The following GRID2 variants were observed in gnomAD, a reference collection of about 807,000 sequenced individuals.
GRID2 encodes the protein glutamate ionotropic receptor delta type subunit 2, also known as glutamate receptor ionotropic, delta-2.
Under a neutral mutation model 114.8 loss-of-function variants are expected in GRID2, and 33 were observed. That is an observed-to-expected ratio of 0.29 (90% confidence interval 0.22 to 0.38). The LOEUF is 0.38. Among genes scored for constraint, GRID2 ranks in the 10% least tolerant of loss-of-function variants. GRID2 has a pLI of 1.00. For synonymous variants in GRID2, 505 were observed against 449.9 expected (o/e 1.12, Z -1.55); for missense variants, 1,184 against 1,257.7 (o/e 0.94, Z 0.89).
At chr4:93,751,975 T>C (rs1386539169) in intron 14 of GRID2, among the ~76,000 whole-genome samples, 1 of 151,688 alleles carries the variant, frequency 6.6e-6, no homozygotes, top group African/African-American at 2.4e-5. Flanking sequence ...GAACATTCTT[T>C]TTTTTTTTTT....
intron 2 of GRID2, among the ~76,000 whole-genome samples, chr4:92,637,783 TTG>T (rs1731144288): frequency 6.6e-6 from 1 of 152,020 alleles, no homozygotes; most frequent in African/African-American, 2.4e-5. Context: ...GTAGAAAGAA[TTG>T]TATAATGATG....
intron 9 of GRID2, among the ~76,000 whole-genome samples, chr4:93,419,939 A>G (rs552780600): frequency 1.0e-3 from 153 of 152,258 alleles, no homozygotes; most frequent in African/African-American, 3.6e-3. Context: ...TGCCACATCT[A>G]TCATTTACCT....
intron 1 of GRID2, among the ~76,000 whole-genome samples, chr4:92,463,636 A>T (rs1721601926): frequency 6.6e-6 from 1 of 152,012 alleles, no homozygotes; most frequent in African/African-American, 2.4e-5. Context: ...TACAAAAATA[A>T]ACTGAAGGGC....
At chr4:93,309,054 T>C (rs1228846469) in intron 8 of GRID2, among the ~76,000 whole-genome samples, 2 of 152,184 alleles carry the variant, frequency 1.3e-5, no homozygotes, top group African/African-American at 4.8e-5. Context: ...TACTTTTACA[T>C]ACTAAATATT....
At chr4:92,549,638 G>T (rs900895537) in intron 1 of GRID2, among the ~76,000 whole-genome samples, 2 of 152,072 alleles carry the variant, frequency 1.3e-5, no homozygotes, top group African/African-American at 2.4e-5. Flanking sequence ...AAATCCCCAA[G>T]AATTTTAAGG....
chr4:92,931,623 T>C (rs952229462), intron 2 of GRID2, among the ~76,000 whole-genome samples: 2 of 144,794 alleles, frequency 1.4e-5, no homozygotes, highest in Admixed American at 6.9e-5. Flanking sequence ...AGATAGAAGA[T>C]ACACACACAC....
At chr4:92,871,276 C>T (rs960488248) in intron 2 of GRID2, among the ~76,000 whole-genome samples, 1 of 151,114 alleles carries the variant, frequency 6.6e-6, no homozygotes, top group Non-Finnish European at 1.5e-5. Flanking sequence ...AACTAAATAA[C>T]TTCAATGGTC....
intron 4 of GRID2, among the ~76,000 whole-genome samples, chr4:93,130,900 A>G (rs537473773): frequency 2.6e-5 from 4 of 152,302 alleles, no homozygotes; most frequent in African/African-American, 9.6e-5. Context: ...TAAACGATAT[A>G]TTCCAGAACG....
intron 2 of GRID2, among the ~76,000 whole-genome samples, chr4:92,616,105 T>C (rs1215274182): frequency 6.6e-6 from 1 of 151,648 alleles, no homozygotes; most frequent in East Asian, 1.9e-4. Flanking sequence ...TTCAAATTAG[T>C]GTCTGATTTC....
intron 2 of GRID2, among the ~76,000 whole-genome samples, chr4:92,956,420 G>T (rs1476507634): frequency 6.6e-6 from 1 of 152,020 alleles, no homozygotes; most frequent in East Asian, 1.9e-4. Context: ...GAAACGACTA[G>T]CCTTACTGTA....
At chr4:93,102,079 C>T (rs1731756006) in intron 3 of GRID2, among the ~76,000 whole-genome samples, 1 of 152,122 alleles carries the variant, frequency 6.6e-6, no homozygotes, top group Non-Finnish European at 1.5e-5. Context: ...AAGACCCTTT[C>T]TCTTACAAAT....
At chr4:93,213,435 G>A (rs1743804437) in intron 5 of GRID2, among the ~76,000 whole-genome samples, 1 of 152,056 alleles carries the variant, frequency 6.6e-6, no homozygotes. Flanking sequence ...GTATTCTGGT[G>A]TCTAGAATTA....
chr4:93,695,340 C>T (rs891288883), intron 14 of GRID2, among the ~76,000 whole-genome samples: 1 of 152,126 alleles, frequency 6.6e-6, no homozygotes, highest in Non-Finnish European at 1.5e-5. Context: ...GCTATAATGG[C>T]ACAATCGAAA....
chr4:92,696,704 G>A (rs1404585632), intron 2 of GRID2, among the ~76,000 whole-genome samples: 3 of 152,004 alleles, frequency 2.0e-5, no homozygotes, highest in African/African-American at 7.2e-5. Flanking sequence ...GATTAGAAAG[G>A]CTGTAGAGAG....
intron 9 of GRID2, among the ~76,000 whole-genome samples, chr4:93,399,245 T>A (rs1457271859): frequency 1.3e-5 from 2 of 152,072 alleles, no homozygotes; most frequent in Admixed American, 1.3e-4. Context: ...TGAAATCTAG[T>A]CTTAGCTCTA....
At chr4:93,018,520 T>C (rs1036085190) in intron 2 of GRID2, among the ~76,000 whole-genome samples, 6 of 152,184 alleles carry the variant, frequency 3.9e-5, no homozygotes, top group Admixed American at 3.3e-4. Context: ...AAAAGTTAGC[T>C]GTGCTTATCT....
chr4:92,414,056 T>G (rs1253143000), intron 1 of GRID2, among the ~76,000 whole-genome samples: 1 of 152,048 alleles, frequency 6.6e-6, no homozygotes, highest in Non-Finnish European at 1.5e-5. Context: ...TAAGTAGAAG[T>G]TGCAGCTTTG....
intron 2 of GRID2, among the ~76,000 whole-genome samples, chr4:92,931,973 G>C (rs1432616536): frequency 6.6e-6 from 1 of 150,916 alleles, no homozygotes; most frequent in Non-Finnish European, 1.5e-5. Context: ...ATTAATTTGG[G>C]ATAAATCACC....
chr4:92,416,557 A>G (rs1235799991), intron 1 of GRID2, among the ~76,000 whole-genome samples: 1 of 152,094 alleles, frequency 6.6e-6, no homozygotes, highest in East Asian at 1.9e-4. Context: ...TAAGTTTGTG[A>G]TCCATATTGA....
Sources: allele counts gnomAD v4.1 joint callset (sites outside exome capture counted in the v4.1 genomes callset), GRCh38; gene constraint gnomAD v4.1.1; transcripts MANE v1.5; gene names NCBI Gene and HGNC (gene_info 2026-07-23, HGNC 2026-07-21).